Variants in LNPEP observed in about 807,000 individuals in gnomAD.
The protein encoded by LNPEP is leucyl-cystinyl aminopeptidase.
In LNPEP, 64 loss-of-function variants were observed where a neutral mutation model predicts 120.6. The ratio of observed to expected loss-of-function variants is 0.53; its 90% CI spans 0.43 to 0.65. The LOEUF (loss-of-function observed/expected upper bound fraction) is 0.65, where lower values mean the gene tolerates loss of function less well. LNPEP is among the 30% of genes least tolerant of loss of function. The pLI is 0.00. For missense variants in LNPEP, 1,057 were observed against 1,200.0 expected (o/e 0.88, Z 1.76); for synonymous variants, 435 against 425.4 (o/e 1.02, Z -0.28).
At chr5:96,956,835 C>CCCT (rs1789481051) in intron 1 of LNPEP, among the ~76,000 whole-genome samples, 3 of 152,106 alleles carry the variant, frequency 2.0e-5, no homozygotes, top group African/African-American at 7.2e-5. Context: ...CTCAATCTTT[C>CCCT]TTTTCTCTGT....
At chr5:97,023,786 AT>A (rs778350482) in intron 14 of LNPEP, among the ~76,000 whole-genome samples, 4 of 152,038 alleles carry the variant, frequency 2.6e-5, no homozygotes, top group Non-Finnish European at 5.9e-5. Context: ...TCTAATTTTA[AT>A]TTTTTGAGGA....
chr5:97,001,762 T>C (rs546935265), intron 8 of LNPEP, among the ~76,000 whole-genome samples: 3 of 152,150 alleles, frequency 2.0e-5, no homozygotes, highest in Non-Finnish European at 4.4e-5. Context: ...TGATCAGTTA[T>C]ATCAAATGCT....
At chr5:97,027,297 G>T (rs975796389) in intron 16 of LNPEP, among the ~76,000 whole-genome samples, 10 of 151,742 alleles carry the variant, frequency 6.6e-5, no homozygotes, top group Non-Finnish European at 1.2e-4. Context: ...AACTTGCAGT[G>T]AGCCGAGATT....
rs917526852 is a variant in LNPEP, at chr5:97,022,282, T to C, written c.2377-18T>C. On this transcript the variant is annotated intron_variant, in intron 13 of 17. Coordinates refer to ENST00000231368, the MANE Select transcript of LNPEP (RefSeq NM_005575.3). ...CCTAATTATTATGAAGCCATTATAATCTATTTTGTCTCTCTAGACTAGGGT... is the reference window on the plus strand; with the variant it reads ...CCTAATTATTATGAAGCCATTATAACCTATTTTGTCTCTCTAGACTAGGGT... The C allele has an allele frequency of 7.0e-7, 1 of 1,426,486 alleles. No homozygotes were observed. Among genetic ancestry groups the C allele is most frequent in the Admixed American group, 2.0e-5 (1 of 50,736 alleles). 88.4% of individuals were successfully genotyped at this position (1,426,486 alleles called of 1,614,324 possible). A position where few individuals can be genotyped will look rare whatever the true frequency, so the allele number is the denominator to read the frequency against.
chr5:96,998,475 TA>T (rs1205716649), intron 8 of LNPEP, among the ~76,000 whole-genome samples: 2 of 152,204 alleles, frequency 1.3e-5, no homozygotes, highest in Non-Finnish European at 2.9e-5. Context: ...TTGGCTGTGT[TA>T]CTCAGAATTG....
At chr5:97,000,020 G>A (rs1281139883) in intron 8 of LNPEP, among the ~76,000 whole-genome samples, 1 of 152,130 alleles carries the variant, frequency 6.6e-6, no homozygotes, top group Non-Finnish European at 1.5e-5. Flanking sequence ...ATTGTTCTAG[G>A]TGCTGGGGTT....
At chr5:96,939,740 G>C (rs1185123826) in intron 1 of LNPEP, among the ~76,000 whole-genome samples, 1 of 151,980 alleles carries the variant, frequency 6.6e-6, no homozygotes. Context: ...CCAGTTGAAA[G>C]TATTTTTCAA....
chr5:96,992,158 C>CA (rs1790404331), intron 4 of LNPEP, among the ~76,000 whole-genome samples: 1 of 151,638 alleles, frequency 6.6e-6, no homozygotes, highest in East Asian at 1.9e-4. Context: ...TTCATTTAGC[C>CA]AAAAAAAGAG....
At chr5:96,967,180 T>C (rs1413281209) in intron 1 of LNPEP, among the ~76,000 whole-genome samples, 8 of 152,132 alleles carry the variant, frequency 5.3e-5, no homozygotes, top group African/African-American at 1.7e-4. Context: ...ATAAAAACAC[T>C]ATAACTGCTC....
intron 1 of LNPEP, among the ~76,000 whole-genome samples, chr5:96,977,289 G>A (rs1790020383): frequency 6.6e-6 from 1 of 151,866 alleles, no homozygotes; most frequent in Admixed American, 6.6e-5. Context: ...GTTAAGCTGA[G>A]GTACGGAATA....
chr5:96,973,585 G>A (rs535946762), intron 1 of LNPEP, among the ~76,000 whole-genome samples: 6 of 152,172 alleles, frequency 3.9e-5, no homozygotes, highest in Non-Finnish European at 5.9e-5. Flanking sequence ...ACAATGGATT[G>A]GATATTATAA....
chr5:96,969,742 G>T (rs1394055824), intron 1 of LNPEP, among the ~76,000 whole-genome samples: 3 of 144,910 alleles, frequency 2.1e-5, no homozygotes, highest in Non-Finnish European at 3.1e-5. Context: ...TTTTTGCCCT[G>T]TTTTTTTTTT....
intron 13 of LNPEP, among the ~76,000 whole-genome samples, chr5:97,021,662 T>A (rs1392843526): frequency 6.6e-6 from 1 of 152,162 alleles, no homozygotes; most frequent in Non-Finnish European, 1.5e-5. Context: ...AACTTCTAGC[T>A]GAGTATATGC....
intron 1 of LNPEP, among the ~76,000 whole-genome samples, chr5:96,956,918 C>G (rs1293355436): frequency 6.6e-6 from 1 of 152,072 alleles, no homozygotes; most frequent in African/African-American, 2.4e-5. Flanking sequence ...CACCATTCTG[C>G]TCTTCAGGCC....
chr5:96,956,984 G>A (rs1789483977), intron 1 of LNPEP, among the ~76,000 whole-genome samples: 1 of 151,514 alleles, frequency 6.6e-6, no homozygotes, highest in East Asian at 1.9e-4. Context: ...ATTTTATTTT[G>A]GTACTTTTTA....
rs758200052 is a variant in LNPEP at position 96,979,553 on chromosome 5, C to A, written c.435C>A (p.Asn145Lys). Reference protein sequence around the residue: ...TFTKEGCHKKNQSIGLIQPFA... With the variant: ...TFTKEGCHKKKQSIGLIQPFA... ...CCAAAGAAGGCTGCCATAAAAAAAA[C>A]CAGTCAATTGGACTAATTCAGCCAT... The change falls in exon 2 of 18, where the codon AAC becomes AAA. Residue 145 changes from asparagine to lysine, a missense_variant. By Grantham distance (94) the Asn-to-Lys change is moderately conservative (BLOSUM62 0). Transcript: ENST00000231368. 2.0e-5 allele frequency: 32 copies of A among 1,613,872 alleles called. No individual in the cohort carries two copies. Among genetic ancestry groups the A allele is most frequent in the Middle Eastern group, 1.6e-4 (1 of 6,084 alleles).
At chr5:96,977,663 A>G (rs1233469578) in intron 1 of LNPEP, among the ~76,000 whole-genome samples, 1 of 152,168 alleles carries the variant, frequency 6.6e-6, no homozygotes, top group Non-Finnish European at 1.5e-5. Context: ...TTATCCTAAT[A>G]TTTATCAATA....
At chr5:96,972,114 G>A (rs1789880490) in intron 1 of LNPEP, among the ~76,000 whole-genome samples, 2 of 152,004 alleles carry the variant, frequency 1.3e-5, no homozygotes, top group Non-Finnish European at 2.9e-5. Flanking sequence ...TTCTCTCTCT[G>A]TCTCTGTAGA....
At chr5:96,978,817 CA>C (rs1425560782) in intron 1 of LNPEP, among the ~76,000 whole-genome samples, 1 of 152,204 alleles carries the variant, frequency 6.6e-6, no homozygotes, top group Non-Finnish European at 1.5e-5. Context: ...AAGCCCAGGG[CA>C]GGGTCCCAGG....
Sources: gnomAD v4.1 joint callset for allele counts (sites outside exome capture counted in the v4.1 genomes callset) on GRCh38, gnomAD v4.1.1 for gene constraint, MANE v1.5 for transcripts, NCBI Gene and HGNC (gene_info 2026-07-23, HGNC 2026-07-21) for gene names.